Variants in RASSF4 observed in about 807,000 individuals in gnomAD.
RASSF4 encodes the protein ras association domain-containing protein 4.
A neutral mutation model predicts 41.1 loss-of-function variants in RASSF4; 38 were observed. The ratio of observed to expected loss-of-function variants is 0.92; its 90% CI spans 0.71 to 1.21. The LOEUF is 1.21. RASSF4 is among the 50% of genes most tolerant of loss of function. RASSF4 has a pLI of 0.00. For missense variants in RASSF4, 414 were observed against 419.4 expected (o/e 0.99, Z 0.11); for synonymous variants, 179 against 163.4 (o/e 1.10, Z -0.73).
At position 44,970,281 on chromosome 10, in the gene RASSF4, A is replaced by T; in HGVS notation, c.62+17A>T. ...CATTCAGAAGTAAGCCTTGGTGTGC[A>T]GGTTGGGCGGGGGAGTCTTCACATT... is the stretch of plus-strand genomic sequence containing the variant. On this transcript the variant is annotated intron_variant, in intron 2 of 10. Coordinates refer to ENST00000340258, the MANE Select transcript of RASSF4 (RefSeq NM_032023.4). The T allele has an allele frequency of 4.3e-6, 7 of 1,611,532 alleles. No homozygotes were observed. The highest frequency in any genetic ancestry group is 4.2e-6 in the Non-Finnish European group (5 of 1,177,636).
intron 6 of RASSF4, among the ~76,000 whole-genome samples, chr10:44,985,569 G>A (rs1841893459): frequency 6.6e-6 from 1 of 152,214 alleles, no homozygotes; most frequent in African/African-American, 2.4e-5. Flanking sequence ...CTTGTGACAG[G>A]CCATATCTTT....
chr10:44,984,163 A>T, intron 5 of RASSF4, 50 bp downstream of exon 5: 2 of 1,495,774 alleles, frequency 1.3e-6, no homozygotes, highest in Non-Finnish European at 1.8e-6. Context: ...CCGGGGTAGG[A>T]GCAGAGGGGC....
rs763737823 is a variant in RASSF4, at chr10:44,971,765, C to T, written c.63-8C>T. On this transcript the variant is annotated splice_polypyrimidine_tract_variant and splice_region_variant and intron_variant, in intron 2 of 10. Transcript: ENST00000340258. ...CCTAGGAGTACATGTGTGTCTTTCC[C>T]TTTTTAGGTCGGAGCTCTTAGGCCT... 8.7e-6 allele frequency: 14 copies of T among 1,613,278 alleles called. No individual in the cohort carries two copies. In the African/African-American group the frequency reaches 1.3e-4, roughly 15 times the overall value.
intron 1 of RASSF4, among the ~76,000 whole-genome samples, chr10:44,967,154 T>C (rs1417353754): frequency 6.6e-6 from 1 of 152,184 alleles, no homozygotes; most frequent in Non-Finnish European, 1.5e-5. Flanking sequence ...CAGTGTGGGT[T>C]GGCAGACAGT....
intron 1 of RASSF4, among the ~76,000 whole-genome samples, chr10:44,967,381 G>A (rs546458936): frequency 1.1e-4 from 16 of 152,354 alleles, no homozygotes; most frequent in South Asian, 2.1e-4. Context: ...GCAGAGGGCC[G>A]GGGTGGTGAG....
chr10:44,988,888 G>T (rs923519610), intron 6 of RASSF4, among the ~76,000 whole-genome samples: 2 of 152,236 alleles, frequency 1.3e-5, no homozygotes, highest in African/African-American at 4.8e-5. Context: ...ACTGCTGGGA[G>T]AATGAAGAGG....
chr10:44,970,472 T>C, intron 2 of RASSF4: 1 of 563,306 alleles, frequency 1.8e-6, no homozygotes, highest in South Asian at 2.4e-5. Flanking sequence ...GCATGGGCAA[T>C]AGAAAAGAGG....
chr10:44,989,143 C>T, intron 6 of RASSF4, 131 bp from the exon 7 acceptor site: 1 of 618,900 alleles, frequency 1.6e-6, no homozygotes, highest in Non-Finnish European at 2.9e-6. Context: ...ATGTGTGCAT[C>T]AGCGTGAATG....
chr10:44,993,136 C>G (rs557700291), intron 10 of RASSF4, 133 bp from the exon 11 acceptor site: 4 of 710,942 alleles, frequency 5.6e-6, no homozygotes, highest in South Asian at 1.7e-5. Flanking sequence ...CAGCCTTCCC[C>G]CTCCTTGGCA....
chr10:44,992,637 C>T lies in RASSF4; in HGVS notation c.906-632C>T, dbSNP rs74602904. The stretch of plus-strand genomic sequence containing the variant: ...TCCAGGACTTGTGGAGGGCACCCCA[C>T]CAGGGCTGGTGGGGAGGCAGCTAGG... On this transcript the variant is annotated intron_variant, in intron 10 of 10. Coordinates refer to ENST00000340258, the MANE Select transcript of RASSF4 (RefSeq NM_032023.4). Among the ~76,000 whole-genome samples the T allele has an allele frequency of 6.2e-3, 948 of 152,244 alleles. 32 individuals are homozygous for T. Among genetic ancestry groups the T allele is most frequent in the Admixed American group, 0.05 (762 of 15,294 alleles).
At position 44,991,413 on chromosome 10, in the gene RASSF4, A is replaced by G. The variant is rs1588850508; in HGVS notation, c.807+344A>G. 1.8e-5 allele frequency: 4 copies of G among 222,572 alleles called. No individual in the cohort carries two copies. The East Asian group carries it at 3.8e-4, about 21-fold the overall frequency. The allele number at this position is 222,572 out of a possible 1,614,324, so 13.8% of individuals were successfully genotyped here. A position where few individuals can be genotyped will look rare whatever the true frequency, so the allele number is the denominator to read the frequency against. On this transcript the variant is annotated intron_variant, in intron 9 of 10. Coordinates refer to ENST00000340258, the MANE Select transcript of RASSF4 (RefSeq NM_032023.4). ...GCTTTTTAACTAGGCCCTACCTCGC[A>G]CCTGTGGAAAACAGGGAGATATTTA...
chr10:44,982,825 C>A, intron 4 of RASSF4, 162 bp downstream of exon 4: 1 of 800,716 alleles, frequency 1.2e-6, no homozygotes, highest in Non-Finnish European at 2.1e-6. Context: ...TCCACAGCCT[C>A]GCCCAGGGTG....
At chr10:44,961,760 A>G (rs1840720051) in intron 1 of RASSF4, among the ~76,000 whole-genome samples, 1 of 152,244 alleles carries the variant, frequency 6.6e-6, no homozygotes, top group Admixed American at 6.5e-5. Flanking sequence ...AGGGAACTGG[A>G]CTTGCTTAAG....
In RASSF4 at chr10:44,989,276, C is replaced by T; in HGVS notation, c.534C>T (p.Thr178=). The part of the protein sequence containing the change: ...SINGHFYNHK[T]SVFTPAYGSV... Reference sequence around the variant, plus strand: ...ACTTCTCTCCCTTCCTGGTACAGACCTCCGTGTTTACTCCAGCCTATGGAT... The same window carrying T: ...ACTTCTCTCCCTTCCTGGTACAGACTTCCGTGTTTACTCCAGCCTATGGAT... Residue 178 remains threonine, a splice_region_variant and synonymous_variant, in exon 7 of 11, where the codon ACC becomes ACT. Transcript: ENST00000340258. The T allele has an allele frequency of 6.2e-7, 1 of 1,609,448 alleles. No individual in the cohort carries two copies. Among genetic ancestry groups the T allele is most frequent in the Non-Finnish European group, 8.5e-7 (1 of 1,175,958 alleles).
chr10:44,967,580 C>T (rs924578224), intron 1 of RASSF4, among the ~76,000 whole-genome samples: 1 of 152,362 alleles, frequency 6.6e-6, no homozygotes, highest in South Asian at 2.1e-4. Context: ...AGCGGAGTCA[C>T]CTCCGTGGCC....
rs557501850 is a variant in RASSF4, at chr10:44,994,108, A to G, written c.*779A>G. 2.0e-5 allele frequency: 3 copies of G among 152,256 alleles called. No individual in the cohort carries two copies. The East Asian group carries it at 5.8e-4, about 29-fold the overall frequency. 9.4% of individuals were successfully genotyped at this position (152,256 alleles called of 1,614,324 possible). A position where few individuals can be genotyped will look rare whatever the true frequency, so the allele number is the denominator to read the frequency against. On this transcript the variant is annotated 3_prime_UTR_variant, in exon 11 of 11. Coordinates refer to ENST00000340258, the MANE Select transcript of RASSF4 (RefSeq NM_032023.4). ...GAAGGCAGTGCTCAGCCCCATCACCACTGTCCCGTGGATGCCTGTGTACCT... is the reference window on the plus strand; with the variant it reads ...GAAGGCAGTGCTCAGCCCCATCACCGCTGTCCCGTGGATGCCTGTGTACCT...
intron 2 of RASSF4, chr10:44,971,549 G>A (rs757753289): frequency 3.0e-5 from 20 of 671,154 alleles, no homozygotes; most frequent in African/African-American, 1.6e-4. Context: ...CGTGAGTCTC[G>A]CCTCCTCCTC....
chr10:44,961,051 G>C (rs1564447469), intron 1 of RASSF4, among the ~76,000 whole-genome samples: 1 of 152,186 alleles, frequency 6.6e-6, no homozygotes, highest in African/African-American at 2.4e-5. Context: ...AAGAGGAAGG[G>C]AGGGAAGAGG....
At chr10:44,985,932 A>G (rs1841905332) in intron 6 of RASSF4, among the ~76,000 whole-genome samples, 1 of 152,202 alleles carries the variant, frequency 6.6e-6, no homozygotes, top group African/African-American at 2.4e-5. Context: ...GAGTCTCCTG[A>G]GAGAGTAAAG....
Sources: gnomAD v4.1 joint callset for allele counts (sites outside exome capture counted in the v4.1 genomes callset) on GRCh38, gnomAD v4.1.1 for gene constraint, MANE v1.5 for transcripts, NCBI Gene and HGNC (gene_info 2026-07-23, HGNC 2026-07-21) for gene names.